SASH1: variants seen among roughly 807,000 people sequenced by gnomAD.
The protein encoded by SASH1 is SAM and SH3 domain-containing protein 1.
SASH1 carries 44 observed loss-of-function variants against 125.2 expected under a neutral mutation model. The observed-to-expected ratio is 0.35, with a 90% CI of 0.28 to 0.45. The LOEUF is 0.45. SASH1 is among the 20% of genes least tolerant of loss of function. SASH1 has a pLI of 1.00. For synonymous variants in SASH1, 639 were observed against 649.1 expected, an observed-to-expected ratio of 0.98 and a Z score of 0.24; for missense variants, 1,426 against 1,614.5, an observed-to-expected ratio of 0.88 and a Z score of 2.00.
At chr6:148,207,989 C>G in the SASH1 span, among the ~76,000 whole-genome samples, 1 of 152,168 alleles carries the variant, frequency 6.6e-6, no homozygotes, top group Non-Finnish European at 1.5e-5. Context: ...TGCATTTAAG[C>G]AGACCTTTAA....
intron 1 of SASH1, chr6:148,278,618 C>G (rs1779252825): frequency 6.6e-6 from 1 of 151,794 alleles, no homozygotes; most frequent in Middle Eastern, 3.2e-3. Context: ...TTAAATAGAA[C>G]AAGGCACTTT....
intron 1 of SASH1, among the ~76,000 whole-genome samples, chr6:148,300,793 T>C (rs1207653004): frequency 6.6e-6 from 1 of 152,068 alleles, no homozygotes; most frequent in Non-Finnish European, 1.5e-5. Context: ...AGAATTAAGA[T>C]ACTTTGTTCC....
At chr6:148,265,269 C>A in the SASH1 span, among the ~76,000 whole-genome samples, 1 of 147,954 alleles carries the variant, frequency 6.8e-6, no homozygotes, top group Non-Finnish European at 1.5e-5. Flanking sequence ...AAGCAGGTTC[C>A]ACTGCATTCC....
At chr6:148,219,672 G>A in the SASH1 span, among the ~76,000 whole-genome samples, 242 of 152,254 alleles carry the variant, frequency 1.6e-3, 3 homozygotes, top group East Asian at 3.9e-4. Flanking sequence ...CAGAGCTAAG[G>A]GAACGTACCC....
intron 1 of SASH1, among the ~76,000 whole-genome samples, chr6:148,326,353 T>C (rs1270014429): frequency 8.9e-5 from 8 of 90,038 alleles, no homozygotes; most frequent in African/African-American, 2.0e-4. Flanking sequence ...TATATATATA[T>C]ATATGCATAT....
At chr6:148,274,551 G>C (rs1003064522) in intron 1 of SASH1, among the ~76,000 whole-genome samples, 2 of 152,144 alleles carry the variant, frequency 1.3e-5, no homozygotes, top group African/African-American at 4.8e-5. Flanking sequence ...TTGTGCTGAG[G>C]ATGCAAAAAG....
intron 1 of SASH1, among the ~76,000 whole-genome samples, chr6:148,368,770 G>GCACGCACACACACACATACACACACACA (rs1554245333): frequency 6.6e-5 from 9 of 135,642 alleles, no homozygotes; most frequent in Non-Finnish European, 1.1e-4. Flanking sequence ...GCACGCGCGC[G>GCACGCACACACACACATACACACACACA]CACACACACA....
rs1232120710 is a variant in SASH1, at chr6:148,549,557, G to A, written c.*999G>A. Reference sequence around the variant, plus strand: ...TCCCAAAATTCAGTCCTCAGTTAACGGATCATGTTTGCAAAAGGTCACTGT... The same window carrying A: ...TCCCAAAATTCAGTCCTCAGTTAACAGATCATGTTTGCAAAAGGTCACTGT... On this transcript the variant is annotated 3_prime_UTR_variant, in exon 20 of 20. Coordinates refer to ENST00000367467, the MANE Select transcript of SASH1 (RefSeq NM_015278.5). The A allele has an allele frequency of 5.0e-6, 2 of 398,680 alleles. No individual in the cohort carries two copies. The highest frequency in any genetic ancestry group is 8.9e-6 in the Non-Finnish European group (2 of 225,946). The allele number at this position is 398,680 out of a possible 1,614,324, so 24.7% of individuals were successfully genotyped here.
intron 10 of SASH1, among the ~76,000 whole-genome samples, chr6:148,522,142 A>G (rs896775588): frequency 2.6e-5 from 4 of 152,230 alleles, no homozygotes; most frequent in African/African-American, 9.6e-5. Context: ...CCCAAGTATC[A>G]GTCTGAGGCT....
chr6:148,243,259 T>A, the SASH1 span, among the ~76,000 whole-genome samples: 2 of 152,098 alleles, frequency 1.3e-5, no homozygotes, highest in Non-Finnish European at 2.9e-5. Context: ...AAGACCGGCC[T>A]GACCAACATG....
At position 148,548,319 on chromosome 6, in the gene SASH1, A is replaced by C. The variant is rs1295566785; in HGVS notation, c.3505A>C (p.Ile1169Leu). 1 of 1,613,000 alleles carries C rather than the reference A, an allele frequency of 6.2e-7. No individual in the cohort carries two copies. The highest frequency in any genetic ancestry group is 1.3e-5 in the African/African-American group (1 of 74,892). ...GATTCCAAGTGGTGGACTCACGGAA[A>C]TCTGCCGAAAGCCCGTCTCTCCTGG... ...MAIPSGGLTEICRKPVSPGCI... is the reference protein window; with the variant it reads ...MAIPSGGLTELCRKPVSPGCI... The change falls in exon 20 of 20, where the codon ATC becomes CTC. Residue 1169 changes from isoleucine to leucine, a missense_variant. Ile to Leu is a conservative substitution (Grantham distance 5). Coordinates refer to ENST00000367467, the MANE Select transcript of SASH1 (RefSeq NM_015278.5).
At chr6:148,285,666 G>T (rs1779463550) in intron 1 of SASH1, among the ~76,000 whole-genome samples, 1 of 152,114 alleles carries the variant, frequency 6.6e-6, no homozygotes, top group Non-Finnish European at 1.5e-5. Flanking sequence ...TCCAGTAGAA[G>T]ATGTTTCTCC....
chr6:148,518,023 C>G (rs1412485407), intron 9 of SASH1, among the ~76,000 whole-genome samples: 2 of 152,186 alleles, frequency 1.3e-5, no homozygotes, highest in East Asian at 3.9e-4. Context: ...TGCCTCTAGT[C>G]TTAGCCCAGT....
intron 4 of SASH1, among the ~76,000 whole-genome samples, chr6:148,448,480 G>T: frequency 6.6e-6 from 1 of 152,162 alleles, no homozygotes; most frequent in Non-Finnish European, 1.5e-5. Context: ...AGTCCCTGTT[G>T]CATTGGGTCC....
intron 1 of SASH1, among the ~76,000 whole-genome samples, chr6:148,299,559 CG>C (rs1424615963): frequency 6.6e-6 from 1 of 150,958 alleles, no homozygotes; most frequent in Non-Finnish European, 1.5e-5. Context: ...CCCAGCTACT[CG>C]GGGGGCTCAG....
At chr6:148,514,123 T>G (rs1780300843) in intron 8 of SASH1, 1 of 1,338,936 alleles carries the variant, frequency 7.5e-7, no homozygotes, top group South Asian at 1.8e-5. Context: ...TTTCCGTGCC[T>G]AGGACCTAAT....
chr6:148,337,102 A>G (rs980686973), intron 1 of SASH1, among the ~76,000 whole-genome samples: 4 of 152,144 alleles, frequency 2.6e-5, no homozygotes, highest in Non-Finnish European at 5.9e-5. Flanking sequence ...CTCTGTTGCC[A>G]GGCTGCAGTG....
chr6:148,394,804 C>G (rs903656459), intron 2 of SASH1, among the ~76,000 whole-genome samples: 4 of 152,100 alleles, frequency 2.6e-5, no homozygotes, highest in African/African-American at 9.7e-5. Flanking sequence ...ACCACCCCTC[C>G]CGGCTAATTT....
At chr6:148,390,372 C>T in intron 2 of SASH1, 110 bp downstream of exon 2, 1 of 1,069,184 alleles carries the variant, frequency 9.4e-7, no homozygotes. Flanking sequence ...AATCTGTAGG[C>T]TGCTGCACTA....
Sources: gnomAD v4.1 joint callset for allele counts (sites outside exome capture counted in the v4.1 genomes callset) on GRCh38, gnomAD v4.1.1 for gene constraint, MANE v1.5 for transcripts, NCBI Gene and HGNC (gene_info 2026-07-23, HGNC 2026-07-21) for gene names.